Variants in CFAP46 observed in about 807,000 individuals in gnomAD.
CFAP46 encodes the protein cilia- and flagella-associated protein 46.
Under a neutral mutation model 325.7 loss-of-function variants are expected in CFAP46, and 245 were observed. The ratio of observed to expected loss-of-function variants is 0.75; its 90% CI spans 0.68 to 0.84. The LOEUF (loss-of-function observed/expected upper bound fraction) is 0.84. Ranked by LOEUF, CFAP46 falls within the 40% of genes least tolerant of loss-of-function variation. CFAP46 has a pLI of 0.00. For missense variants in CFAP46, 3,346 were observed against 3,543.0 expected, an observed-to-expected ratio of 0.94 and a Z score of 1.41; for synonymous variants, 1,523 against 1,495.9, an observed-to-expected ratio of 1.02 and a Z score of -0.42.
chr10:132,854,771 C>T (rs1396935520), intron 39 of CFAP46, among the ~76,000 whole-genome samples: 1 of 152,152 alleles, frequency 6.6e-6, no homozygotes, highest in Non-Finnish European at 1.5e-5. Context: ...ACATTTTCAT[C>T]ACTCCAAAAG....
chr10:132,897,924 T>C (rs1466355645), intron 24 of CFAP46, among the ~76,000 whole-genome samples: 3 of 152,196 alleles, frequency 2.0e-5, no homozygotes, highest in Non-Finnish European at 2.9e-5. Context: ...TGGGCATGCA[T>C]CTGAGGATCC....
rs1849091053 is a variant in CFAP46, at chr10:132,884,369, GC to G, written c.3627+733del. Among the ~76,000 whole-genome samples the G allele has an allele frequency of 6.6e-6, 1 of 152,206 alleles. No homozygotes were observed. Among genetic ancestry groups the G allele is most frequent in the African/African-American group, 2.4e-5 (1 of 41,442 alleles). On this transcript the variant is annotated intron_variant, in intron 27 of 57. Transcript: ENST00000368586. This position sits in a 1 kb window ranked among gnomAD's most constrained non-coding sequence, Gnocchi z 5.4. ...CCATCCTCAGTTCCCGATGCCAAGG[GC>G]CCCCTGGACCCCAGAACAATCCAAA...
At chr10:132,896,881 G>A (rs1156559201) in intron 24 of CFAP46, among the ~76,000 whole-genome samples, 2 of 152,130 alleles carry the variant, frequency 1.3e-5, no homozygotes, top group African/African-American at 2.4e-5. Context: ...AAGCTACAGT[G>A]ACTCAAATAG....
At chr10:132,822,587 C>CTGTGTGAGTGCTGATGTGTGCTGTGTGT (rs1489372991) in intron 50 of CFAP46, among the ~76,000 whole-genome samples, 1 of 116,726 alleles carries the variant, frequency 8.6e-6, no homozygotes, top group Non-Finnish European at 1.7e-5. Context: ...GTGCTGTGTG[C>CTGTGTGAGTGCTGATGTGTGCTGTGTGT]TGTGTGAGTG....
chr10:132,845,042 TGCCCAGCTTAGACCACAGGCGCCCCCAAC>T (rs1848411058), intron 44 of CFAP46, among the ~76,000 whole-genome samples: 1 of 152,128 alleles, frequency 6.6e-6, no homozygotes. Flanking sequence ...CCCCCCTGCA[TGCCCAGCTTAGACCACAGGCGCCCCCAAC>T]GCCCAGCTTA....
In CFAP46 at chr10:132,864,860, G is replaced by A. The variant is rs1171085840; in HGVS notation, c.4890+1165C>T. Reference sequence around the variant, plus strand: ...CACCTGTTCCCAGTGCCTGAGACCTGCACACACCTGTCCCCCTGCCTGAGA... The same window carrying A: ...CACCTGTTCCCAGTGCCTGAGACCTACACACACCTGTCCCCCTGCCTGAGA... On this transcript the variant is annotated intron_variant, in intron 35 of 57. Coordinates refer to ENST00000368586, the MANE Select transcript of CFAP46 (RefSeq NM_001200049.3). Among the ~76,000 whole-genome samples the A allele has an allele frequency of 2.3e-5, 3 of 128,640 alleles. No homozygotes were observed. In the East Asian group the frequency reaches 7.4e-4, roughly 32 times the overall value. The allele number at this position is 128,640 out of a possible 152,430, so 84.4% of individuals were successfully genotyped here.
rs1849781671 is a variant in CFAP46, at chr10:132,924,776, C to G, written c.1176G>C (p.Leu392=). The change falls in exon 11 of 58, where the codon CTG becomes CTC. Residue 392 remains leucine (L), a synonymous_variant. Transcript: ENST00000368586. ...VVCATQWNTC[L]PLLQHNLRHH... is the part of the protein sequence containing the mutation. The stretch of plus-strand genomic sequence containing the variant: ...GCCGCAGGTTGTGCTGCAGCAGGGG[C>G]AGGCAGGTGTTCCACTGCGTGGCGC... 1 of 1,531,972 alleles carries G rather than the reference C, an allele frequency of 6.5e-7. No individual in the cohort carries two copies. Among genetic ancestry groups the G allele is most frequent in the African/African-American group, 1.4e-5 (1 of 71,530 alleles). 94.9% of individuals were successfully genotyped at this position (1,531,972 alleles called of 1,614,324 possible).
rs757734479 is a variant in CFAP46 at position 132,857,707 on chromosome 10, T to G, written c.5457A>C (p.Val1819=). The change falls in exon 39 of 58, where the codon GTA becomes GTC. Residue 1819 remains valine, a synonymous_variant. Coordinates refer to ENST00000368586, the MANE Select transcript of CFAP46 (RefSeq NM_001200049.3). ...LEAYGLAQGA[V]AEEEGRLHSI... is the part of the protein sequence containing the mutation. ...TGTGAAGCCTCCCTTCTTCCTCAGC[T>G]ACGGCACCCTGGGCCAGGCCATACG... 1 of 1,612,802 alleles carries G rather than the reference T, an allele frequency of 6.2e-7. No homozygotes were observed. Among genetic ancestry groups the G allele is most frequent in the Admixed American group, 1.7e-5 (1 of 59,880 alleles).
rs1447048853 is a variant in CFAP46 at position 132,915,780 on chromosome 10, A to C, written c.2120+769T>G. Among the ~76,000 whole-genome samples the C allele has an allele frequency of 8.5e-5, 13 of 152,244 alleles. 1 individual carries two copies. Among genetic ancestry groups the C allele is most frequent in the Admixed American group, 8.5e-4 (13 of 15,286 alleles). ...CGACTATAGTTTACAGGGATGCTGG[A>C]AGGGGGACATCGAACATTCCCAACA... is the stretch of plus-strand genomic sequence containing the variant. On this transcript the variant is annotated intron_variant, in intron 17 of 57. Coordinates refer to ENST00000368586, the MANE Select transcript of CFAP46 (RefSeq NM_001200049.3).
At chr10:132,870,262 T>C (rs563529342) in intron 32 of CFAP46, among the ~76,000 whole-genome samples, 142 of 152,230 alleles carry the variant, frequency 9.3e-4, no homozygotes, top group African/African-American at 3.3e-3. Flanking sequence ...TCCCTCCCCT[T>C]GGGCCTCCCT....
chr10:132,847,427 C>T lies in CFAP46; in HGVS notation c.5953-106G>A, dbSNP rs1848458179. On this transcript the variant is annotated intron_variant, in intron 41 of 57. Coordinates refer to ENST00000368586, the MANE Select transcript of CFAP46 (RefSeq NM_001200049.3). This position sits in a 1 kb window ranked among gnomAD's most constrained non-coding sequence, Gnocchi z 5.2. ...GGGTGGTCGGGCTCCTCAGCAGGGT[C>T]CCCGGGTAGGGGGTACCGCAGGCCA... 7.2e-7 allele frequency: 1 copy of T among 1,396,846 alleles called. No homozygotes were observed. Among genetic ancestry groups the T allele is most frequent in the Non-Finnish European group, 9.9e-7 (1 of 1,008,984 alleles). 86.5% of individuals were successfully genotyped at this position (1,396,846 alleles called of 1,614,324 possible).
At chr10:132,893,146 C>T (rs1044120861) in intron 24 of CFAP46, among the ~76,000 whole-genome samples, 3 of 152,214 alleles carry the variant, frequency 2.0e-5, no homozygotes, top group Admixed American at 1.3e-4. Flanking sequence ...CCTCTAGGAA[C>T]ACCGTGACTG....
At chr10:132,840,208 G>A (rs1331930146) in intron 44 of CFAP46, among the ~76,000 whole-genome samples, 1 of 152,188 alleles carries the variant, frequency 6.6e-6, no homozygotes, top group Non-Finnish European at 1.5e-5. Flanking sequence ...GTTATGTTGA[G>A]GAGTTGGTCC....
chr10:132,809,551 C>G (rs915578131), intron 57 of CFAP46, among the ~76,000 whole-genome samples: 1 of 152,186 alleles, frequency 6.6e-6, no homozygotes, highest in Non-Finnish European at 1.5e-5. Flanking sequence ...GCTCTTTACA[C>G]GATAAGCTCC....
rs778638165 is a variant in CFAP46, at chr10:132,924,720, G to A, written c.1232C>T (p.Ala411Val). 1.4e-5 allele frequency: 21 copies of A among 1,537,762 alleles called. No individual in the cohort carries two copies. The highest frequency in any genetic ancestry group is 3.6e-5 in the South Asian group (3 of 83,110). ...HHLRKPLAGV[A>V]DVLEKLDSLM... is the part of the protein sequence containing the mutation. ...CCTGTCCAGCTTCTCCAGCACGTCC[G>A]CAACGCCAGCCAGGGGCTTCCGCAG... The change falls in exon 11 of 58, where the codon GCG (alanine) becomes GTG (valine). Residue 411 changes from alanine to valine, a missense_variant. Transcript: ENST00000368586.
rs923186317 is a variant in CFAP46, at chr10:132,922,483, C to G, written c.1482G>C (p.Glu494Asp). ...RAEDKAIMAV[E>D]QAKKATPKDS... The stretch of plus-strand genomic sequence containing the variant: ...CCTCACTTCCCCGGGGCGGCACCTG[C>G]TCAACGGCCATGATGGCCTTGTCCT... The change falls in exon 12 of 58, where the codon GAG (glutamate) becomes GAC (aspartate). Residue 494 changes from glutamate to aspartate, a missense_variant. By Grantham distance (45) the Glu-to-Asp change is conservative. Coordinates refer to ENST00000368586, the MANE Select transcript of CFAP46 (RefSeq NM_001200049.3). The G allele has an allele frequency of 3.3e-6, 5 of 1,531,842 alleles. No individual in the cohort carries two copies. The highest frequency in any genetic ancestry group is 4.4e-6 in the Non-Finnish European group (5 of 1,136,078). The allele number at this position is 1,531,842 out of a possible 1,614,324, so 94.9% of individuals were successfully genotyped here.
At chr10:132,936,668 C>T (rs982898475) in intron 7 of CFAP46, among the ~76,000 whole-genome samples, 2 of 149,370 alleles carry the variant, frequency 1.3e-5, no homozygotes. Context: ...CCAAACACAC[C>T]ATGATCTCCT....
In CFAP46 at chr10:132,860,905, T is replaced by C; in HGVS notation, c.4968A>G (p.Gly1656=). The C allele has an allele frequency of 6.4e-7, 1 of 1,550,746 alleles. No homozygotes were observed. Among genetic ancestry groups the C allele is most frequent in the Non-Finnish European group, 8.7e-7 (1 of 1,147,028 alleles). ...AQLANKEKNY[G]QAKKMIAQAQ... ...CCTGTGCGATCATTTTCTTGGCTTG[T>C]CCATAGTTTTTCTCCTTGTTGGCCA... The change falls in exon 36 of 58, where the codon GGA becomes GGG. Residue 1656 remains glycine (G), a synonymous_variant. Transcript: ENST00000368586.
intron 4 of CFAP46, 47 bp from the exon 5 acceptor site, chr10:132,938,800 G>A (rs778135451): frequency 1.4e-5 from 22 of 1,575,616 alleles, no homozygotes; most frequent in South Asian, 5.7e-5. Flanking sequence ...AAGCCCAGCC[G>A]GCCCAAGCTG....
Sources: gnomAD v4.1 joint callset for allele counts (sites outside exome capture counted in the v4.1 genomes callset) on GRCh38, gnomAD v4.1.1 for gene constraint, Gnocchi (gnomAD v3.1) non-coding constraint, MANE v1.5 for transcripts, NCBI Gene and HGNC (gene_info 2026-07-23, HGNC 2026-07-21) for gene names.